DOK6: variants seen among roughly 807,000 people sequenced by gnomAD.
DOK6 encodes downstream of tyrosine kinase 6.
In DOK6, 22 loss-of-function variants were observed where a neutral mutation model predicts 44.0. The ratio of observed to expected loss-of-function variants is 0.50; its 90% CI spans 0.36 to 0.71. The LOEUF (loss-of-function observed/expected upper bound fraction) is 0.71. Ranked by LOEUF, DOK6 falls within the 30% of genes least tolerant of loss-of-function variation. DOK6 has a pLI of 0.00. For missense variants in DOK6, 340 were observed against 416.4 expected (o/e 0.82, Z 1.60); for synonymous variants, 166 against 145.5 (o/e 1.14, Z -1.01).
At chr18:69,544,109 T>A (rs1304563490) in intron 1 of DOK6, among the ~76,000 whole-genome samples, 1 of 140,010 alleles carries the variant, frequency 7.1e-6, no homozygotes, top group African/African-American at 2.6e-5. Flanking sequence ...AAAAAAAAAA[T>A]CAGCCAGGTG....
At chr18:69,760,014 TTATAGA>T (rs573423144) in intron 7 of DOK6, among the ~76,000 whole-genome samples, 15 of 152,324 alleles carry the variant, frequency 9.8e-5, no homozygotes, top group African/African-American at 2.9e-4. Context: ...CCCCTCAGTG[TTATAGA>T]TATAAAAATT....
intron 6 of DOK6, among the ~76,000 whole-genome samples, chr18:69,752,785 G>C (rs1979226172): frequency 6.6e-6 from 1 of 152,198 alleles, no homozygotes; most frequent in Non-Finnish European, 1.5e-5. Flanking sequence ...CGAGCATCAT[G>C]AGTTTCATGC....
At position 69,422,828 on chromosome 18, in the gene DOK6, A is replaced by T. The variant is rs112100387; in HGVS notation, c.66+21518A>T. On this transcript the variant is annotated intron_variant, in intron 1 of 7. Coordinates refer to ENST00000382713, the MANE Select transcript of DOK6 (RefSeq NM_152721.6). ...TTTCCCATGCTTTTTCATTACCTAG[A>T]CTAATAATTTAAACTTAAACTTGCA... is the stretch of plus-strand genomic sequence containing the variant. Among the ~76,000 whole-genome samples, 163 of 152,300 alleles carry T rather than the reference A, an allele frequency of 1.1e-3. 1 individual carries two copies. Among genetic ancestry groups the T allele is most frequent in the African/African-American group, 3.7e-3 (153 of 41,568 alleles).
At chr18:69,822,316 G>A (rs1284971438) in intron 7 of DOK6, among the ~76,000 whole-genome samples, 31 of 152,204 alleles carry the variant, frequency 2.0e-4, no homozygotes, top group Admixed American at 2.0e-3. Context: ...AAATTAGCCT[G>A]CCACAGTTTC....
intron 3 of DOK6, among the ~76,000 whole-genome samples, chr18:69,606,842 C>T (rs1372883705): frequency 6.7e-6 from 1 of 149,358 alleles, no homozygotes; most frequent in Non-Finnish European, 1.5e-5. Context: ...CGGCCCACTG[C>T]AACCTCCGCC....
chr18:69,728,638 G>C (rs1978324347), intron 5 of DOK6, among the ~76,000 whole-genome samples: 1 of 150,374 alleles, frequency 6.7e-6, no homozygotes, highest in African/African-American at 2.4e-5. Context: ...AAAAAAAAAA[G>C]TAAAGCCATT....
At chr18:69,426,253 T>G (rs1201261214) in intron 1 of DOK6, among the ~76,000 whole-genome samples, 1 of 152,152 alleles carries the variant, frequency 6.6e-6, no homozygotes, top group African/African-American at 2.4e-5. Context: ...CCTCCCCATA[T>G]CCAAACACAT....
intron 7 of DOK6, among the ~76,000 whole-genome samples, chr18:69,797,338 A>G (rs191597025): frequency 9.1e-4 from 138 of 152,284 alleles, no homozygotes; most frequent in Middle Eastern, 3.4e-3. Flanking sequence ...TGCATATTAA[A>G]TGTGAAAAAT....
intron 3 of DOK6, among the ~76,000 whole-genome samples, chr18:69,633,726 G>A (rs1984740909): frequency 6.6e-6 from 1 of 152,106 alleles, no homozygotes; most frequent in Non-Finnish European, 1.5e-5. Context: ...CTCAGTGATG[G>A]TCAGGGTGCC....
Position 69,781,801 on chromosome 18 carries a change from A to C in DOK6, c.856+23928A>C, listed in dbSNP as rs570224140. Among the ~76,000 whole-genome samples, 4 of 152,182 alleles carry C rather than the reference A, an allele frequency of 2.6e-5. No individual in the cohort carries two copies. The East Asian group carries it at 7.7e-4, about 29-fold the overall frequency. ...AGTTTTTCCTGTTAAATAAAAATTT[A>C]TCAGGGTAAAAGTGATCTTTTCATC... On this transcript the variant is annotated intron_variant, in intron 7 of 7. Transcript: ENST00000382713.
chr18:69,712,311 A>T (rs1986781204), intron 5 of DOK6, among the ~76,000 whole-genome samples: 5 of 120,680 alleles, frequency 4.1e-5, no homozygotes, highest in African/African-American at 3.4e-5. Flanking sequence ...AAAAAAAAAA[A>T]AAAAAAAAAA....
chr18:69,604,647 C>T (rs1370460433), intron 3 of DOK6, among the ~76,000 whole-genome samples: 2 of 151,856 alleles, frequency 1.3e-5, no homozygotes, highest in African/African-American at 4.8e-5. Flanking sequence ...TTGTCTCAAC[C>T]TTCATGACAC....
At chr18:69,572,701 C>A (rs1383738499) in intron 2 of DOK6, among the ~76,000 whole-genome samples, 1 of 151,832 alleles carries the variant, frequency 6.6e-6, no homozygotes, top group East Asian at 1.9e-4. Context: ...TGAGAAATAA[C>A]ATTAAGAGTA....
At chr18:69,411,866 T>C (rs1978307633) in intron 1 of DOK6, among the ~76,000 whole-genome samples, 1 of 152,148 alleles carries the variant, frequency 6.6e-6, no homozygotes, top group African/African-American at 2.4e-5. Flanking sequence ...AAAGTGTCTT[T>C]ACGCTTTTAC....
chr18:69,748,667 G>A (rs1165635131), intron 6 of DOK6, among the ~76,000 whole-genome samples: 2 of 152,146 alleles, frequency 1.3e-5, no homozygotes, highest in Non-Finnish European at 2.9e-5. Context: ...ACAGATGCTG[G>A]CAAGGTTGTG....
intron 2 of DOK6, among the ~76,000 whole-genome samples, chr18:69,571,679 A>T (rs1195056893): frequency 6.6e-6 from 1 of 152,122 alleles, no homozygotes; most frequent in Non-Finnish European, 1.5e-5. Context: ...ATCAGGACAA[A>T]TAAAAATCAC....
chr18:69,544,127 G>A (rs529160430), intron 1 of DOK6, among the ~76,000 whole-genome samples: 3 of 150,838 alleles, frequency 2.0e-5, no homozygotes, highest in South Asian at 2.1e-4. Context: ...GTGTGGTGGC[G>A]TGCATCTGTA....
intron 2 of DOK6, among the ~76,000 whole-genome samples, chr18:69,587,015 T>C (rs1390050809): frequency 6.6e-6 from 1 of 152,158 alleles, no homozygotes; most frequent in Non-Finnish European, 1.5e-5. Context: ...GAAACAAATA[T>C]CTTACTGGAG....
rs927585354 is a variant in DOK6 at position 69,759,581 on chromosome 18, C to T, written c.856+1708C>T. ...TGTTTTCATGGTAGTATGAAGGAAA[C>T]GTTTTCTGAAGACAGAGCTAAGATT... On this transcript the variant is annotated intron_variant, in intron 7 of 7. Coordinates refer to ENST00000382713, the MANE Select transcript of DOK6 (RefSeq NM_152721.6). 3.3e-5 allele frequency among the ~76,000 whole-genome samples: 5 copies of T among 152,054 alleles called. No homozygotes were observed. In the South Asian group the frequency reaches 6.2e-4, roughly 19 times the overall value.
Sources: gnomAD v4.1 joint callset for allele counts (sites outside exome capture counted in the v4.1 genomes callset) on GRCh38, gnomAD v4.1.1 for gene constraint, MANE v1.5 for transcripts, NCBI Gene and HGNC (gene_info 2026-07-23, HGNC 2026-07-21) for gene names.